PTPRD: variants seen among roughly 807,000 people sequenced by gnomAD.
PTPRD encodes protein tyrosine phosphatase receptor type D, also known as receptor-type tyrosine-protein phosphatase delta.
In PTPRD, 34 loss-of-function variants were observed where a neutral mutation model predicts 214.5. The ratio of observed to expected loss-of-function variants is 0.16; its 90% CI spans 0.12 to 0.21. The LOEUF (loss-of-function observed/expected upper bound fraction) is 0.21. Ranked by LOEUF, PTPRD falls within the 10% of genes least tolerant of loss-of-function variation. The probability of loss-of-function intolerance (pLI) is 1.00; values close to 1 mark genes in which losing one functional copy is unlikely to be tolerated. For synonymous variants in PTPRD, 1,128 were observed against 845.7 expected (o/e 1.33, Z -5.79); for missense variants, 2,545 against 2,398.7 (o/e 1.06, Z -1.27).
chr9:9,332,641 T>C (rs2042774717), intron 9 of PTPRD, among the ~76,000 whole-genome samples: 1 of 151,668 alleles, frequency 6.6e-6, no homozygotes, highest in Non-Finnish European at 1.5e-5. Flanking sequence ...TTGTTCAACA[T>C]TTTCTAGTGA....
Position 8,919,264 on chromosome 9 carries a change from A to G in PTPRD, c.-104+99433T>C, listed in dbSNP as rs533122139. On this transcript the variant is annotated intron_variant, in intron 11 of 45. Coordinates refer to ENST00000381196, the MANE Select transcript of PTPRD (RefSeq NM_002839.4). ...AAAAATTAGCTGGGCGTGGTGGTGC[A>G]CACCTGTAGTCCCAGTGACTAGGGA... 9.9e-5 allele frequency among the ~76,000 whole-genome samples: 15 copies of G among 152,030 alleles called. No individual in the cohort carries two copies. In the South Asian group the frequency reaches 2.7e-3, roughly 27 times the overall value.
At chr9:10,384,220 G>T (rs929173721) in intron 2 of PTPRD, among the ~76,000 whole-genome samples, 3 of 151,782 alleles carry the variant, frequency 2.0e-5, no homozygotes, top group Admixed American at 6.6e-5. Context: ...TTGAAGGAAT[G>T]GATATACTAT....
chr9:9,398,093 TCCTCCCTCCCTC>T (rs1219782646), intron 8 of PTPRD, among the ~76,000 whole-genome samples: 1 of 151,508 alleles, frequency 6.6e-6, no homozygotes, highest in Non-Finnish European at 1.5e-5. Context: ...CACCTTCCCT[TCCTCCCTCCCTC>T]CCTCCCTGCT....
chr9:8,857,955 T>G (rs1341134319), intron 11 of PTPRD, among the ~76,000 whole-genome samples: 2 of 46,384 alleles, frequency 4.3e-5, no homozygotes, highest in East Asian at 1.5e-3. Context: ...CTCCTCCGCC[T>G]CCTCCTCCTC....
intron 12 of PTPRD, among the ~76,000 whole-genome samples, chr9:8,730,185 G>A (rs759906203): frequency 4.6e-5 from 7 of 152,178 alleles, no homozygotes; most frequent in Admixed American, 4.6e-4. Context: ...GAACCCAGGA[G>A]GCGGAGCTTG....
intron 8 of PTPRD, among the ~76,000 whole-genome samples, chr9:9,404,449 T>C (rs1265795878): frequency 2.0e-5 from 3 of 151,848 alleles, no homozygotes; most frequent in Non-Finnish European, 4.4e-5. Context: ...GATTAGAGAG[T>C]AATGAGTGAA....
chr9:8,507,171 T>C, intron 22 of PTPRD, 130 bp downstream of exon 22: 1 of 1,076,162 alleles, frequency 9.3e-7, no homozygotes, highest in East Asian at 2.8e-5. Flanking sequence ...AGTTCCTCTT[T>C]TAATTAGTAA....
Position 10,575,462 on chromosome 9 carries a change from T to G in PTPRD, c.-600+36936A>C, listed in dbSNP as rs553530693. On this transcript the variant is annotated intron_variant, in intron 2 of 45. Coordinates refer to ENST00000381196, the MANE Select transcript of PTPRD (RefSeq NM_002839.4). ...TCATGATCTAAAGTAGAAAAGCAGT[T>G]GCAAAACACCAGTGTCTTTGTTTAT... Among the ~76,000 whole-genome samples, 17 of 152,258 alleles carry G rather than the reference T, an allele frequency of 1.1e-4. No individual in the cohort carries two copies. In the South Asian group the frequency reaches 3.5e-3, roughly 32 times the overall value.
At chr9:9,729,700 G>A (rs1483502877) in intron 7 of PTPRD, among the ~76,000 whole-genome samples, 1 of 151,894 alleles carries the variant, frequency 6.6e-6, no homozygotes, top group Non-Finnish European at 1.5e-5. Flanking sequence ...TGAAGTTGGG[G>A]TCATGTCATA....
intron 8 of PTPRD, among the ~76,000 whole-genome samples, chr9:9,517,132 G>A (rs2096857521): frequency 6.6e-6 from 1 of 152,028 alleles, no homozygotes; most frequent in South Asian, 2.1e-4. Flanking sequence ...GCTAAATTAT[G>A]CAACATTTAA....
intron 2 of PTPRD, among the ~76,000 whole-genome samples, chr9:10,603,663 C>A (rs2078542738): frequency 6.6e-6 from 1 of 151,828 alleles, no homozygotes; most frequent in Non-Finnish European, 1.5e-5. Flanking sequence ...GCATGGAAAG[C>A]ACTTAAAATA....
chr9:9,971,306 T>A (rs1410760880), intron 4 of PTPRD, among the ~76,000 whole-genome samples: 4 of 152,314 alleles, frequency 2.6e-5, no homozygotes, highest in Middle Eastern at 6.8e-3. Context: ...ATTCACTAGG[T>A]CTGGAGTAGA....
intron 2 of PTPRD, among the ~76,000 whole-genome samples, chr9:10,484,986 G>C (rs1055927319): frequency 4.6e-5 from 7 of 151,738 alleles, no homozygotes; most frequent in Non-Finnish European, 1.0e-4. Flanking sequence ...TAGTTTCATA[G>C]TTTACGGTCT....
chr9:10,537,097 A>C (rs2057991614), intron 2 of PTPRD, among the ~76,000 whole-genome samples: 1 of 152,160 alleles, frequency 6.6e-6, no homozygotes, highest in Admixed American at 6.6e-5. Flanking sequence ...AGAGATAAAT[A>C]ATTCTAAAAA....
chr9:10,509,557 T>TTATATATATATATATATATA (rs3076461), intron 2 of PTPRD, among the ~76,000 whole-genome samples: 3,374 of 106,056 alleles, frequency 0.032, 129 homozygotes, highest in South Asian at 0.046. Flanking sequence ...TTAATAAATA[T>TTATATATATATATATATATA]TATATATATA....
intron 3 of PTPRD, among the ~76,000 whole-genome samples, chr9:10,211,452 A>G (rs1276999770): frequency 6.6e-6 from 1 of 152,132 alleles, no homozygotes; most frequent in Non-Finnish European, 1.5e-5. Context: ...GTTCTTGAGT[A>G]GAGGACCATG....
intron 8 of PTPRD, among the ~76,000 whole-genome samples, chr9:9,417,964 C>T (rs1018572906): frequency 2.0e-5 from 3 of 151,990 alleles, no homozygotes; most frequent in African/African-American, 7.2e-5. Context: ...TTCCAATTGT[C>T]ATCTGATTTT....
At chr9:10,170,596 A>C (rs1215303555) in intron 3 of PTPRD, among the ~76,000 whole-genome samples, 1 of 152,094 alleles carries the variant, frequency 6.6e-6, no homozygotes, top group Non-Finnish European at 1.5e-5. Context: ...CTGAGGCAGG[A>C]GAATGATGTG....
chr9:10,386,950 A>G (rs1414242061), intron 2 of PTPRD, among the ~76,000 whole-genome samples: 3 of 151,832 alleles, frequency 2.0e-5, no homozygotes, highest in Non-Finnish European at 2.9e-5. Flanking sequence ...GAGGCAGGAG[A>G]GTCAGTGTCA....
Sources: allele counts gnomAD v4.1 joint callset (sites outside exome capture counted in the v4.1 genomes callset), GRCh38; gene constraint gnomAD v4.1.1; transcripts MANE v1.5; gene names NCBI Gene and HGNC (gene_info 2026-07-23, HGNC 2026-07-21).